The following RGS5 variants were observed in gnomAD, a reference collection of about 807,000 sequenced individuals.
RGS5 encodes regulator of G-protein signalling 5.
A neutral mutation model predicts 18.9 loss-of-function variants in RGS5; 20 were observed. The ratio of observed to expected loss-of-function variants is 1.06; its 90% CI spans 0.74 to 1.54. The LOEUF (loss-of-function observed/expected upper bound fraction) is 1.54. Among genes scored for constraint, RGS5 ranks in the 40% most tolerant of loss-of-function variants. The probability of loss-of-function intolerance (pLI) is 0.00; values close to 1 mark genes in which losing one functional copy is unlikely to be tolerated. For synonymous variants in RGS5, 57 were observed against 76.2 expected, an observed-to-expected ratio of 0.75 and a Z score of 1.31; for missense variants, 201 against 211.8, an observed-to-expected ratio of 0.95 and a Z score of 0.32.
At chr1:163,264,323 G>GT (rs1648524353) in intron 2 of RGS5, among the ~76,000 whole-genome samples, 2 of 152,106 alleles carry the variant, frequency 1.3e-5, no homozygotes, top group African/African-American at 4.8e-5. Context: ...TGTTTGGCAA[G>GT]TCCCAAATTC....
In RGS5 at chr1:163,264,392, C is replaced by T. The variant is rs544492271; in HGVS notation, c.-281+41841G>A. 1.6e-4 allele frequency among the ~76,000 whole-genome samples: 25 copies of T among 152,126 alleles called. No homozygotes were observed. The East Asian group carries it at 1.9e-3, about 12-fold the overall frequency. ...ATAGTCATATCTACTTGATAGATTGCGAAAATTAAGTGAAATCATATCTGT... is the reference window on the plus strand; with the variant it reads ...ATAGTCATATCTACTTGATAGATTGTGAAAATTAAGTGAAATCATATCTGT... On this transcript the variant is annotated intron_variant, in intron 2 of 5. Coordinates refer to the RGS5 transcript ENST00000618415.
intron 3 of RGS5, among the ~76,000 whole-genome samples, chr1:163,157,063 AG>A (rs1395653811): frequency 6.6e-6 from 1 of 152,184 alleles, no homozygotes; most frequent in Non-Finnish European, 1.5e-5. Flanking sequence ...AGAAACAAAA[AG>A]ATGTGTCTGG....
intron 2 of RGS5, among the ~76,000 whole-genome samples, chr1:163,302,976 C>A (rs1649590991): frequency 6.6e-6 from 1 of 152,138 alleles, no homozygotes; most frequent in Non-Finnish European, 1.5e-5. Context: ...TCATTTGCTC[C>A]TCTAGACTGA....
chr1:163,285,446 T>G (rs1397496981), intron 2 of RGS5, among the ~76,000 whole-genome samples: 5 of 152,002 alleles, frequency 3.3e-5, no homozygotes, highest in Non-Finnish European at 7.4e-5. Context: ...TCCCAGCTAC[T>G]CGGGAGGCTG....
chr1:163,278,657 A>G (rs965933409), intron 2 of RGS5, among the ~76,000 whole-genome samples: 4 of 152,172 alleles, frequency 2.6e-5, no homozygotes, highest in African/African-American at 7.2e-5. Context: ...TCAAACAATT[A>G]GAAACAAGTT....
At chr1:163,284,294 G>T (rs2940682) in intron 2 of RGS5, among the ~76,000 whole-genome samples, 148,159 of 152,260 alleles carry the variant, frequency 0.97, 72,206 homozygotes, top group East Asian at 1. Context: ...AGCAACTATA[G>T]GCCTCATTCA....
At chr1:163,320,137 A>G (rs1169833606) in intron 1 of RGS5, among the ~76,000 whole-genome samples, 2 of 152,004 alleles carry the variant, frequency 1.3e-5, no homozygotes, top group Admixed American at 6.6e-5. Context: ...CTCTTTCTCC[A>G]TGGTCCATTC....
chr1:163,240,198 A>C (rs781607345), intron 2 of RGS5, among the ~76,000 whole-genome samples: 2 of 152,306 alleles, frequency 1.3e-5, no homozygotes, highest in Non-Finnish European at 2.9e-5. Context: ...CAGAAATTAG[A>C]ATCCATTCAA....
chr1:163,176,707 GTA>G (rs1363164912), intron 1 of RGS5, among the ~76,000 whole-genome samples: 1 of 151,960 alleles, frequency 6.6e-6, no homozygotes, highest in Non-Finnish European at 1.5e-5. Flanking sequence ...CAAATTAAAA[GTA>G]TGTTTACTGA....
At chr1:163,233,354 T>C (rs1221781546) in intron 2 of RGS5, among the ~76,000 whole-genome samples, 1 of 152,248 alleles carries the variant, frequency 6.6e-6, no homozygotes, top group Non-Finnish European at 1.5e-5. Context: ...TAATAAAAGA[T>C]GTTTTAAAAT....
chr1:163,147,918 C>CTTTTTTTTCTTTTTTTTTTT lies in RGS5; in HGVS notation c.385-416_385-415insAAAAAAAAAAAGAAAAAAAA, dbSNP rs3065035. Among the ~76,000 whole-genome samples, 273 of 78,076 alleles carry CTTTTTTTTCTTTTTTTTTTT rather than the reference C, an allele frequency of 3.5e-3. 2 individuals are homozygous for CTTTTTTTTCTTTTTTTTTTT. The highest frequency in any genetic ancestry group is 8.5e-3 in the African/African-American group (147 of 17,258). The allele number at this position is 78,076 out of a possible 152,430, so 51.2% of individuals were successfully genotyped here. A position where few individuals can be genotyped will look rare whatever the true frequency, so the allele number is the denominator to read the frequency against. ...GGTGTCCTGGTGCTTTTTTCTTTTT[C>CTTTTTTTTCTTTTTTTTTTT]TTTTTTTTTTTTTTTTTTTTTTGTT... On this transcript the variant is annotated intron_variant, in intron 4 of 4. Transcript: ENST00000313961.
At chr1:163,261,496 A>G (rs1166214967) in intron 2 of RGS5, among the ~76,000 whole-genome samples, 1 of 152,134 alleles carries the variant, frequency 6.6e-6, no homozygotes, top group Non-Finnish European at 1.5e-5. Context: ...GGCTTACATC[A>G]GAGAAAAAAA....
intron 4 of RGS5, among the ~76,000 whole-genome samples, chr1:163,148,838 T>C (rs1657261485): frequency 6.6e-6 from 1 of 152,208 alleles, no homozygotes; most frequent in Non-Finnish European, 1.5e-5. Flanking sequence ...TTTAAGGATT[T>C]TGAGTGTAAA....
intron 2 of RGS5, among the ~76,000 whole-genome samples, chr1:163,230,195 G>T (rs865820272): frequency 6.6e-6 from 1 of 152,052 alleles, no homozygotes; most frequent in African/African-American, 2.4e-5. Flanking sequence ...TTTTGATCTG[G>T]GAGTCAAAAG....
intron 1 of RGS5, among the ~76,000 whole-genome samples, chr1:163,191,526 G>A (rs1659355634): frequency 6.6e-6 from 1 of 152,152 alleles, no homozygotes; most frequent in Non-Finnish European, 1.5e-5. Flanking sequence ...GAGCAGTGAA[G>A]GTGTGAAGGG....
chr1:163,288,973 C>T (rs1414020481), intron 2 of RGS5, among the ~76,000 whole-genome samples: 2 of 152,130 alleles, frequency 1.3e-5, no homozygotes, highest in Non-Finnish European at 2.9e-5. Context: ...TGGTATATTC[C>T]AGTATGACCA....
chr1:163,265,039 C>T (rs1648542157), intron 2 of RGS5, among the ~76,000 whole-genome samples: 1 of 152,046 alleles, frequency 6.6e-6, no homozygotes, highest in East Asian at 1.9e-4. Flanking sequence ...ATATTACTGC[C>T]CCTAGAAATT....
intron 2 of RGS5, among the ~76,000 whole-genome samples, chr1:163,282,115 A>G (rs1649009486): frequency 6.6e-6 from 1 of 152,120 alleles, no homozygotes. Flanking sequence ...AGCTCTGTAC[A>G]GCAAAGAAAG....
chr1:163,178,545 C>T (rs534814190), intron 1 of RGS5, among the ~76,000 whole-genome samples: 3 of 152,118 alleles, frequency 2.0e-5, no homozygotes, highest in East Asian at 3.9e-4. Context: ...ATCCTAAAAG[C>T]ACCAGGGTTC....
Sources: allele counts gnomAD v4.1 joint callset (sites outside exome capture counted in the v4.1 genomes callset), GRCh38; gene constraint gnomAD v4.1.1; transcripts MANE v1.5; gene names NCBI Gene and HGNC (gene_info 2026-07-23, HGNC 2026-07-21).